The following RGS20 variants were observed in gnomAD, a reference collection of about 807,000 sequenced individuals.
The protein encoded by RGS20 is gz-selective GTPase-activating protein.
RGS20 carries 30 observed loss-of-function variants against 33.6 expected under a neutral mutation model. That is an observed-to-expected ratio of 0.89 (90% CI 0.67 to 1.21). The LOEUF (loss-of-function observed/expected upper bound fraction) is 1.21, where lower values mean the gene tolerates loss of function less well. Among genes scored for constraint, RGS20 ranks in the 50% most tolerant of loss-of-function variants. The pLI is 0.00. For missense variants in RGS20, 472 were observed against 502.4 expected (o/e 0.94, Z 0.58); for synonymous variants, 208 against 197.9 (o/e 1.05, Z -0.43).
intron 2 of RGS20, among the ~76,000 whole-genome samples, chr8:53,918,587 T>G (rs941628504): frequency 7.2e-5 from 11 of 151,958 alleles, no homozygotes; most frequent in African/African-American, 2.7e-4. Context: ...TGGGTTTCAC[T>G]ATGTTGGTCA....
intron 1 of RGS20, among the ~76,000 whole-genome samples, chr8:53,863,665 C>T (rs957317788): frequency 2.1e-4 from 32 of 151,888 alleles, no homozygotes; most frequent in African/African-American, 7.5e-4. Context: ...CTTTGAAATG[C>T]CAAGAATTGG....
intron 2 of RGS20, among the ~76,000 whole-genome samples, chr8:53,903,039 T>A (rs899396409): frequency 2.6e-5 from 4 of 152,184 alleles, no homozygotes; most frequent in African/African-American, 9.6e-5. Flanking sequence ...AAATGATTGA[T>A]TCTTATATTT....
intron 4 of RGS20, among the ~76,000 whole-genome samples, chr8:53,948,043 G>A (rs545897185): frequency 7.6e-6 from 1 of 131,948 alleles, no homozygotes; most frequent in Non-Finnish European, 1.5e-5. Flanking sequence ...AAGTATATAT[G>A]CTATATGTAG....
Position 53,879,360 on chromosome 8 carries a change from C to T in RGS20, c.268C>T (p.Leu90Phe), listed in dbSNP as rs1460041417. ...CCTCGCAAGGTTCTTCTCTCACCTT[C>T]TCCGGCGACCCCCTCCCGAGGCTCC... is the stretch of plus-strand genomic sequence containing the variant. The change falls in exon 2 of 6, where the codon CTC becomes TTC. Residue 90 changes from leucine (L) to phenylalanine (F), a missense_variant. Leu to Phe is a conservative substitution (Grantham distance 22, BLOSUM62 0). Around this residue, in one of 3 missense-constraint regions of RGS20, gnomAD observed 319 missense variants for 283.4 expected, o/e 1.13. Coordinates refer to ENST00000297313, the MANE Select transcript of RGS20 (RefSeq NM_170587.4). 2 of 1,611,758 alleles carry T rather than the reference C, an allele frequency of 1.2e-6. No homozygotes were observed. Among genetic ancestry groups the T allele is most frequent in the Non-Finnish European group, 1.7e-6 (2 of 1,179,938 alleles).
intron 3 of RGS20, chr8:53,945,226 C>A (rs1366755281): frequency 6.6e-6 from 1 of 152,172 alleles, no homozygotes; most frequent in African/African-American, 2.4e-5. Flanking sequence ...GATGAATGGA[C>A]AAACGAAATG....
At position 53,881,000 on chromosome 8, in the gene RGS20, G is replaced by A. The variant is rs1187674761; in HGVS notation, c.510+1398G>A. On this transcript the variant is annotated intron_variant, in intron 2 of 5. Transcript: ENST00000297313. ...GCCCTCCGCGCTGCAATATTGAGAA[G>A]GCACCCGCGGGACGCATGCGCACGG... 5.6e-6 allele frequency: 9 copies of A among 1,594,262 alleles called. No individual in the cohort carries two copies. In the South Asian group the frequency reaches 8.9e-5, roughly 16 times the overall value.
At chr8:53,899,884 C>T (rs1812964427) in intron 2 of RGS20, among the ~76,000 whole-genome samples, 1 of 152,172 alleles carries the variant, frequency 6.6e-6, no homozygotes, top group Non-Finnish European at 1.5e-5. Context: ...CTAGACCCCT[C>T]ACCACTCACC....
intron 1 of RGS20, among the ~76,000 whole-genome samples, chr8:53,857,254 G>A (rs761973861): frequency 3.7e-4 from 56 of 152,246 alleles, no homozygotes; most frequent in Admixed American, 7.2e-4. Flanking sequence ...CACATGTTCA[G>A]TGGCTGTCTC....
At chr8:53,957,913 G>A (rs945913119) in intron 5 of RGS20, among the ~76,000 whole-genome samples, 6 of 152,252 alleles carry the variant, frequency 3.9e-5, no homozygotes, top group African/African-American at 1.4e-4. Flanking sequence ...TAGAGAGGCC[G>A]AGGCGGGCGG....
chr8:53,878,791 G>A (rs189773524), intron 1 of RGS20, among the ~76,000 whole-genome samples: 16 of 152,258 alleles, frequency 1.1e-4, no homozygotes, highest in African/African-American at 3.6e-4. Flanking sequence ...TTAGGGAGAT[G>A]GGAAAGGGCA....
At chr8:53,911,365 C>T (rs1201872695) in intron 2 of RGS20, among the ~76,000 whole-genome samples, 1 of 152,142 alleles carries the variant, frequency 6.6e-6, no homozygotes, top group African/African-American at 2.4e-5. Context: ...GGAAACAGAA[C>T]TACAGACTAA....
chr8:53,902,875 G>A (rs1563380214), intron 2 of RGS20, among the ~76,000 whole-genome samples: 2 of 152,028 alleles, frequency 1.3e-5, no homozygotes, highest in Admixed American at 6.6e-5. Context: ...ACAGGCCCTC[G>A]CCACCATGCT....
intron 2 of RGS20, among the ~76,000 whole-genome samples, chr8:53,901,302 A>C (rs1813020196): frequency 6.6e-6 from 1 of 152,062 alleles, no homozygotes; most frequent in South Asian, 2.1e-4. Context: ...TCCTGACCTC[A>C]AGTGATCCAC....
chr8:53,862,065 T>C (rs1404461246), intron 1 of RGS20, among the ~76,000 whole-genome samples: 1 of 151,750 alleles, frequency 6.6e-6, no homozygotes. Context: ...CAAAGGAGGG[T>C]CCCTCAGGCC....
chr8:53,853,942 G>A (rs1472664208), intron 1 of RGS20, among the ~76,000 whole-genome samples: 6 of 152,156 alleles, frequency 3.9e-5, no homozygotes, highest in Non-Finnish European at 7.4e-5. Flanking sequence ...TAAGGTAGAC[G>A]TGAAATAATG....
At chr8:53,925,376 C>A (rs1200491477) in intron 2 of RGS20, among the ~76,000 whole-genome samples, 2 of 151,708 alleles carry the variant, frequency 1.3e-5, no homozygotes, top group African/African-American at 4.8e-5. Flanking sequence ...GACACAGAAA[C>A]CAGGAGTAAA....
chr8:53,929,025 C>T (rs986651123), intron 2 of RGS20, among the ~76,000 whole-genome samples: 4 of 152,086 alleles, frequency 2.6e-5, no homozygotes, highest in African/African-American at 4.8e-5. Flanking sequence ...AATCATGCTA[C>T]GCAAAGGAAA....
At chr8:53,890,650 TG>T (rs1220221296) in intron 2 of RGS20, among the ~76,000 whole-genome samples, 2 of 152,172 alleles carry the variant, frequency 1.3e-5, no homozygotes, top group Non-Finnish European at 2.9e-5. Flanking sequence ...GGGGTTTTTT[TG>T]TTTTGACATG....
chr8:53,946,532 T>G (rs1327170552), intron 3 of RGS20, 133 bp from the exon 3 acceptor site: 2 of 804,676 alleles, frequency 2.5e-6, no homozygotes, highest in Non-Finnish European at 2.2e-6. Flanking sequence ...CTAACTGGGG[T>G]CATTTTTTTT....
Sources: allele counts gnomAD v4.1 joint callset (sites outside exome capture counted in the v4.1 genomes callset), GRCh38; gene constraint gnomAD v4.1.1; regional missense constraint gnomAD v4.1.1; transcripts MANE v1.5; gene names NCBI Gene and HGNC (gene_info 2026-07-23, HGNC 2026-07-21).